Variants in ZNF502 observed in about 807,000 individuals in gnomAD.
The protein encoded by ZNF502 is zinc finger protein 502.
A neutral mutation model predicts 43.6 loss-of-function variants in ZNF502; 29 were observed. That is an observed-to-expected ratio of 0.67 (90% CI 0.50 to 0.91). The LOEUF (loss-of-function observed/expected upper bound fraction) is 0.91. Among genes scored for constraint, ZNF502 ranks in the 40% least tolerant of loss-of-function variants. The pLI, the probability that ZNF502 is intolerant of heterozygous loss-of-function variation, is 0.00. For synonymous variants in ZNF502, 171 were observed against 207.4 expected (o/e 0.82, Z 1.51); for missense variants, 591 against 647.2 (o/e 0.91, Z 0.94).
intron 1 of ZNF502, among the ~76,000 whole-genome samples, chr3:44,717,730 C>T (rs1298289692): frequency 6.6e-6 from 1 of 152,094 alleles, no homozygotes; most frequent in East Asian, 1.9e-4. Context: ...ATATTAATAG[C>T]TCACTGCAGC....
Position 44,721,410 on chromosome 3 carries a change from T to G in ZNF502, c.593T>G (p.Leu198Arg). 6.2e-7 allele frequency: 1 copy of G among 1,614,206 alleles called. No homozygotes were observed. Among genetic ancestry groups the G allele is most frequent in the South Asian group, 1.1e-5 (1 of 91,086 alleles). ...AAAGCCTTTAGTCGTAGTTCATTCC[T>G]TGTTCAACATCAAAGAATTCACACT... ...CGKAFSRSSF[L>R]VQHQRIHTGV... Residue 198 changes from leucine to arginine, a missense_variant, in exon 3 of 3, where the codon CTT (leucine) becomes CGT (arginine). By Grantham distance (102) the Leu-to-Arg change is moderately radical. Transcript: ENST00000436624.
chr3:44,713,994 T>C (rs1704085033), intron 1 of ZNF502, among the ~76,000 whole-genome samples: 1 of 152,150 alleles, frequency 6.6e-6, no homozygotes, highest in Non-Finnish European at 1.5e-5. Context: ...CTGCCACAGC[T>C]TGGGTGAGTG....
At chr3:44,719,902 C>T (rs1370569250) in intron 1 of ZNF502, among the ~76,000 whole-genome samples, 3 of 152,124 alleles carry the variant, frequency 2.0e-5, no homozygotes, top group South Asian at 4.1e-4. Flanking sequence ...TATTCCTATT[C>T]GTTTAATCTT....
intron 1 of ZNF502, among the ~76,000 whole-genome samples, chr3:44,718,720 C>A (rs900393097): frequency 6.6e-6 from 1 of 152,162 alleles, no homozygotes; most frequent in African/African-American, 2.4e-5. Flanking sequence ...TTCTGTAGCA[C>A]CCCATACTTG....
intron 1 of ZNF502, among the ~76,000 whole-genome samples, chr3:44,715,932 A>T (rs1003275537): frequency 6.6e-6 from 1 of 152,204 alleles, no homozygotes; most frequent in Non-Finnish European, 1.5e-5. Context: ...TTTTTTCAAC[A>T]TATGGCATAA....
chr3:44,717,797 ACAC>A (rs1466098825), intron 1 of ZNF502, among the ~76,000 whole-genome samples: 1 of 152,032 alleles, frequency 6.6e-6, no homozygotes, highest in East Asian at 1.9e-4. Flanking sequence ...CTATAGGTAC[ACAC>A]CACTACACCC....
intron 1 of ZNF502, among the ~76,000 whole-genome samples, chr3:44,714,158 A>G (rs906823923): frequency 6.6e-6 from 1 of 152,306 alleles, no homozygotes; most frequent in East Asian, 1.9e-4. Flanking sequence ...AGGAGGTGGC[A>G]TCTGGGGAAA....
At chr3:44,720,765 C>T in intron 2 of ZNF502, 108 bp from the exon 3 acceptor site, 2 of 1,285,986 alleles carry the variant, frequency 1.6e-6, no homozygotes, top group South Asian at 3.0e-5. Context: ...GTTACTGGCC[C>T]TTCATCATAG....
Position 44,721,835 on chromosome 3 carries a change from C to G in ZNF502, c.1018C>G (p.Gln340Glu). 1 of 1,614,170 alleles carries G rather than the reference C, an allele frequency of 6.2e-7. No individual in the cohort carries two copies. The highest frequency in any genetic ancestry group is 8.5e-7 in the Non-Finnish European group (1 of 1,180,016). ...KTFQTKANLS[Q>E]HQRIHSGEKP... ...TTTCCAAACAAAGGCAAACCTCTCT[C>G]AGCATCAGAGAATTCATAGTGGAGA... is the stretch of plus-strand genomic sequence containing the variant. The change falls in exon 3 of 3, where the codon CAG (glutamine) becomes GAG (glutamate). Residue 340 changes from glutamine (Q) to glutamate (E), a missense_variant. Transcript: ENST00000436624.
rs1056994338 is a variant in ZNF502 at position 44,722,677 on chromosome 3, T to C, written c.*225T>C. The C allele has an allele frequency of 1.4e-4, 73 of 534,854 alleles. No individual in the cohort carries two copies. The Admixed American group carries it at 2.1e-3, about 16-fold the overall frequency. 33.1% of individuals were successfully genotyped at this position (534,854 alleles called of 1,614,324 possible). A position where few individuals can be genotyped will look rare whatever the true frequency, so the allele number is the denominator to read the frequency against. On this transcript the variant is annotated 3_prime_UTR_variant, in exon 3 of 3. Transcript: ENST00000436624. ...TAGAAAGAAATTCCTGCTTTTCAGA[T>C]AAAGCCTACACATTGCCACTGTCTC...
chr3:44,714,415 G>A (rs1704094418), intron 1 of ZNF502, among the ~76,000 whole-genome samples: 1 of 152,124 alleles, frequency 6.6e-6, no homozygotes, highest in Admixed American at 6.5e-5. Context: ...GACCAAATTT[G>A]GTCTGCCACT....
chr3:44,722,159 A>C lies in ZNF502; in HGVS notation c.1342A>C (p.Thr448Pro), dbSNP rs1575544287. ...ATGTGGAAAGGGCTTTAATCAGAAC[A>C]CCTGCCTCACTCAGCATATGAGAAT... ...NECGKGFNQN[T>P]CLTQHMRIHT... Residue 448 changes from threonine (T) to proline (P), a missense_variant, in exon 3 of 3, where the codon ACC becomes CCC. Thr to Pro is a conservative substitution (Grantham distance 38, BLOSUM62 -1). Coordinates refer to ENST00000436624, the MANE Select transcript of ZNF502 (RefSeq NM_001134442.3). The C allele has an allele frequency of 4.3e-6, 7 of 1,614,128 alleles. No individual in the cohort carries two copies. The highest frequency in any genetic ancestry group is 1.3e-5 in the African/African-American group (1 of 75,024).
intron 1 of ZNF502, among the ~76,000 whole-genome samples, chr3:44,713,614 CTT>C (rs1433289992): frequency 6.6e-6 from 1 of 151,294 alleles, no homozygotes; most frequent in Non-Finnish European, 1.5e-5. Flanking sequence ...GGATTTCACT[CTT>C]GTTGCCCAGG....
intron 1 of ZNF502, among the ~76,000 whole-genome samples, chr3:44,713,289 A>G (rs566673061): frequency 2.0e-5 from 3 of 152,310 alleles, no homozygotes; most frequent in East Asian, 3.9e-4. Context: ...ATGTGATAGC[A>G]TGTATGCAAA....
chr3:44,713,769 G>A (rs989963690), intron 1 of ZNF502, among the ~76,000 whole-genome samples: 1 of 151,986 alleles, frequency 6.6e-6, no homozygotes, highest in Non-Finnish European at 1.5e-5. Flanking sequence ...TAGTAGAAAC[G>A]GGGTTTCACA....
intron 1 of ZNF502, among the ~76,000 whole-genome samples, chr3:44,718,369 A>C (rs1410734189): frequency 6.6e-6 from 1 of 152,124 alleles, no homozygotes; most frequent in African/African-American, 2.4e-5. Context: ...CCTCACCACT[A>C]CGCAGATTAT....
At chr3:44,718,441 T>G (rs900091144) in intron 1 of ZNF502, among the ~76,000 whole-genome samples, 5 of 152,256 alleles carry the variant, frequency 3.3e-5, no homozygotes, top group Non-Finnish European at 7.3e-5. Context: ...TGTCATGTAT[T>G]CTATCAAACT....
In ZNF502 at chr3:44,722,520, G is replaced by A. The variant is rs1704391104; in HGVS notation, c.*68G>A. 1 of 1,523,810 alleles carries A rather than the reference G, an allele frequency of 6.6e-7. No homozygotes were observed. The highest frequency in any genetic ancestry group is 8.8e-7 in the Non-Finnish European group (1 of 1,141,214). 94.4% of individuals were successfully genotyped at this position (1,523,810 alleles called of 1,614,324 possible). A position where few individuals can be genotyped will look rare whatever the true frequency, so the allele number is the denominator to read the frequency against. On this transcript the variant is annotated 3_prime_UTR_variant, in exon 3 of 3. Coordinates refer to ENST00000436624, the MANE Select transcript of ZNF502 (RefSeq NM_001134442.3). ...TACGAATCTGACTGGGAGTAGAGGG[G>A]CAGGTAGAGTTCCTGGAGGGAAGGA...
chr3:44,719,527 C>G (rs1704249016), intron 1 of ZNF502, among the ~76,000 whole-genome samples: 1 of 152,190 alleles, frequency 6.6e-6, no homozygotes, highest in Non-Finnish European at 1.5e-5. Flanking sequence ...TTTTAAGAAG[C>G]AGCATTTACA....
Sources: allele counts gnomAD v4.1 joint callset (sites outside exome capture counted in the v4.1 genomes callset), GRCh38; gene constraint gnomAD v4.1.1; transcripts MANE v1.5; gene names NCBI Gene and HGNC (gene_info 2026-07-23, HGNC 2026-07-21).